Variants in AUTS2 observed in about 807,000 individuals in gnomAD.
The protein encoded by AUTS2 is autism susceptibility gene 2 protein.
A neutral mutation model predicts 112.4 loss-of-function variants in AUTS2; 17 were observed. The observed-to-expected ratio is 0.15, with a 90% CI of 0.10 to 0.23. The LOEUF is 0.23. Ranked by LOEUF, AUTS2 falls within the 10% of genes least tolerant of loss-of-function variation. The pLI is 1.00. For missense variants in AUTS2, 1,510 were observed against 1,701.6 expected (o/e 0.89, Z 1.98); for synonymous variants, 751 against 702.7 (o/e 1.07, Z -1.09).
chr7:70,610,514 C>T (rs1804039041), intron 5 of AUTS2, among the ~76,000 whole-genome samples: 1 of 146,390 alleles, frequency 6.8e-6, no homozygotes, highest in African/African-American at 2.6e-5. Flanking sequence ...TGGCTCACTG[C>T]AGCCTCAACC....
At chr7:69,839,998 T>C (rs1414224385) in intron 1 of AUTS2, among the ~76,000 whole-genome samples, 5 of 152,134 alleles carry the variant, frequency 3.3e-5, no homozygotes, top group African/African-American at 9.7e-5. Context: ...GGGAACTTAT[T>C]AGAAAGGCAA....
At chr7:70,005,109 G>A (rs2129553479) in intron 2 of AUTS2, among the ~76,000 whole-genome samples, 1 of 152,068 alleles carries the variant, frequency 6.6e-6, no homozygotes, top group Admixed American at 6.5e-5. Flanking sequence ...AGAGGTGCGA[G>A]CCACCGCGTC....
chr7:70,074,629 T>C (rs1350734436), intron 2 of AUTS2, among the ~76,000 whole-genome samples: 3 of 152,208 alleles, frequency 2.0e-5, no homozygotes, highest in Non-Finnish European at 2.9e-5. Context: ...CATTATACCC[T>C]GTCTAGTCCG....
intron 4 of AUTS2, among the ~76,000 whole-genome samples, chr7:70,387,922 C>A: frequency 6.6e-6 from 1 of 152,174 alleles, no homozygotes; most frequent in East Asian, 1.9e-4. Flanking sequence ...AGGCAGCAAT[C>A]TTTCAAATTC....
intron 5 of AUTS2, among the ~76,000 whole-genome samples, chr7:70,550,463 T>C (rs1343290462): frequency 6.6e-6 from 1 of 152,228 alleles, no homozygotes; most frequent in African/African-American, 2.4e-5. Context: ...TTTTTTGTGA[T>C]AATCCTGTGT....
At chr7:69,705,116 C>T (rs1798004604) in intron 1 of AUTS2, among the ~76,000 whole-genome samples, 1 of 152,210 alleles carries the variant, frequency 6.6e-6, no homozygotes, top group East Asian at 1.9e-4. Flanking sequence ...CTCTGCCTGC[C>T]TCGGCCTCCC....
intron 4 of AUTS2, among the ~76,000 whole-genome samples, chr7:70,384,339 A>T (rs752442155): frequency 6.6e-6 from 1 of 152,216 alleles, no homozygotes; most frequent in African/African-American, 2.4e-5. Context: ...ATGCAGGCCC[A>T]TTATGCCAGC....
intron 1 of AUTS2, among the ~76,000 whole-genome samples, chr7:69,781,578 ATTGT>A (rs1164642815): frequency 1.3e-5 from 2 of 152,208 alleles, no homozygotes; most frequent in African/African-American, 4.8e-5. Flanking sequence ...GACTAGAATA[ATTGT>A]TTGTTTAAAA....
chr7:69,609,852 T>C (rs1792935441), intron 1 of AUTS2, among the ~76,000 whole-genome samples: 1 of 152,250 alleles, frequency 6.6e-6, no homozygotes, highest in Non-Finnish European at 1.5e-5. Context: ...GCCATTCATA[T>C]AATGAAAAGA....
intron 2 of AUTS2, among the ~76,000 whole-genome samples, chr7:70,061,747 C>A (rs1245869790): frequency 1.3e-5 from 2 of 150,894 alleles, no homozygotes; most frequent in East Asian, 3.9e-4. Context: ...TAACTTGGGG[C>A]AGGCTTGTGG....
Position 70,713,621 on chromosome 7 carries a change from G to A in AUTS2, c.742+15001G>A, listed in dbSNP as rs578211761. ...TTAAGATACAGCTTGCCGGCCGGGC[G>A]TGGTGGCTCACGCCTGTAATCCCAG... On this transcript the variant is annotated intron_variant, in intron 6 of 18. Coordinates refer to ENST00000342771, the MANE Select transcript of AUTS2 (RefSeq NM_015570.4). Among the ~76,000 whole-genome samples, 19 of 152,292 alleles carry A rather than the reference G, an allele frequency of 1.2e-4. No individual in the cohort carries two copies. The East Asian group carries it at 2.7e-3, about 22-fold the overall frequency.
intron 2 of AUTS2, among the ~76,000 whole-genome samples, chr7:70,066,923 A>G (rs1802525268): frequency 6.6e-6 from 1 of 152,150 alleles, no homozygotes; most frequent in Admixed American, 6.5e-5. Flanking sequence ...ACTCACTTCT[A>G]TTTGTCCTCC....
At chr7:70,086,422 A>G (rs1584698974) in intron 2 of AUTS2, among the ~76,000 whole-genome samples, 3 of 152,088 alleles carry the variant, frequency 2.0e-5, no homozygotes, top group Non-Finnish European at 4.4e-5. Flanking sequence ...CAGGTGGATC[A>G]CCTGAGGTCA....
intron 4 of AUTS2, among the ~76,000 whole-genome samples, chr7:70,419,644 T>C (rs893478784): frequency 5.3e-5 from 8 of 152,224 alleles, no homozygotes; most frequent in African/African-American, 1.9e-4. Flanking sequence ...CTAGACAGTA[T>C]GGAAAATATG....
intron 2 of AUTS2, among the ~76,000 whole-genome samples, chr7:70,017,616 G>A (rs1166653039): frequency 6.6e-6 from 1 of 152,178 alleles, no homozygotes; most frequent in African/African-American, 2.4e-5. Flanking sequence ...ATCTCCCACA[G>A]GGCCAAGAGG....
rs891234114 is a variant in AUTS2, at chr7:70,792,898, G to A, written c.*1902G>A. ...TTCCAGCTGCTTGTTTGTGTGAGGT[G>A]ACCATCATTACCTTAGGGAAGAAGC... On this transcript the variant is annotated 3_prime_UTR_variant, in exon 19 of 19. Coordinates refer to ENST00000342771, the MANE Select transcript of AUTS2 (RefSeq NM_015570.4). 1 of 152,540 alleles carries A rather than the reference G, an allele frequency of 6.6e-6. No individual in the cohort carries two copies. The highest frequency in any genetic ancestry group is 2.4e-5 in the African/African-American group (1 of 41,390). 9.4% of individuals were successfully genotyped at this position (152,540 alleles called of 1,614,324 possible). A position where few individuals can be genotyped will look rare whatever the true frequency, so the allele number is the denominator to read the frequency against.
chr7:70,186,615 G>A (rs959519407), intron 4 of AUTS2, among the ~76,000 whole-genome samples: 2 of 152,134 alleles, frequency 1.3e-5, no homozygotes, highest in African/African-American at 4.8e-5. Flanking sequence ...TGTCACCCGG[G>A]CTGGAGTGCA....
intron 1 of AUTS2, among the ~76,000 whole-genome samples, chr7:69,715,279 CTG>C (rs1798550873): frequency 6.8e-6 from 1 of 146,098 alleles, no homozygotes; most frequent in South Asian, 2.2e-4. Flanking sequence ...TTCAGAGTAA[CTG>C]TAATCCAGCT....
intron 5 of AUTS2, among the ~76,000 whole-genome samples, chr7:70,647,113 C>T (rs1371814496): frequency 1.3e-5 from 2 of 152,200 alleles, no homozygotes; most frequent in Non-Finnish European, 2.9e-5. Context: ...TGATTGGATC[C>T]GCTCACTGTT....
Sources: allele counts gnomAD v4.1 joint callset (sites outside exome capture counted in the v4.1 genomes callset), GRCh38; gene constraint gnomAD v4.1.1; transcripts MANE v1.5; gene names NCBI Gene and HGNC (gene_info 2026-07-23, HGNC 2026-07-21).